The following DOCK1 variants were observed in gnomAD, a reference collection of about 807,000 sequenced individuals.
DOCK1 encodes dedicator of cytokinesis protein 1.
In DOCK1, 138 loss-of-function variants were observed where a neutral mutation model predicts 262.7. The ratio of observed to expected loss-of-function variants is 0.53; its 90% CI spans 0.46 to 0.61. The LOEUF is 0.61. DOCK1 is among the 20% of genes least tolerant of loss of function. The probability of loss-of-function intolerance (pLI) is 0.00; values close to 1 mark genes in which losing one functional copy is unlikely to be tolerated. For missense variants in DOCK1, 1,908 were observed against 2,370.7 expected, an observed-to-expected ratio of 0.80 and a Z score of 4.05; for synonymous variants, 866 against 867.4, an observed-to-expected ratio of 1.00 and a Z score of 0.03.
intron 33 of DOCK1, among the ~76,000 whole-genome samples, chr10:127,364,755 G>GT (rs1180242998): frequency 4.6e-5 from 7 of 152,246 alleles, no homozygotes; most frequent in Admixed American, 3.3e-4. Context: ...AACTTCCCCA[G>GT]TGTAATGTCA....
chr10:127,297,864 A>G (rs886396104), intron 29 of DOCK1, among the ~76,000 whole-genome samples: 4 of 152,042 alleles, frequency 2.6e-5, no homozygotes, highest in Admixed American at 2.0e-4. Context: ...GACGTGTCGG[A>G]GCGAGAGTGC....
chr10:127,263,490 G>A (rs1194169784), intron 29 of DOCK1, among the ~76,000 whole-genome samples: 1 of 146,854 alleles, frequency 6.8e-6, no homozygotes, highest in Non-Finnish European at 1.5e-5. Flanking sequence ...CATTATAGCT[G>A]TGCTCTAGGA....
At chr10:127,415,538 G>C (rs2068103556) in intron 44 of DOCK1, among the ~76,000 whole-genome samples, 2 of 152,246 alleles carry the variant, frequency 1.3e-5, no homozygotes, top group Non-Finnish European at 2.9e-5. Context: ...TTTTGACAAT[G>C]CTTTGTGTTA....
In DOCK1 at chr10:127,079,904, C is replaced by G. The variant is rs142347226; in HGVS notation, c.2445+18128C>G. Among the ~76,000 whole-genome samples the G allele has an allele frequency of 1.6e-3, 245 of 152,226 alleles. 1 individual carries two copies. The highest frequency in any genetic ancestry group is 5.5e-3 in the African/African-American group (230 of 41,542). On this transcript the variant is annotated intron_variant, in intron 23 of 51. Coordinates refer to ENST00000623213, the MANE Select transcript of DOCK1 (RefSeq NM_001290223.2). ...CAACATTGCGCCACTGCACTCCAGC[C>G]TGGGCGACAAGAATGAAACTCTGTC...
At chr10:127,372,602 T>G (rs1168289992) in intron 33 of DOCK1, among the ~76,000 whole-genome samples, 1 of 152,230 alleles carries the variant, frequency 6.6e-6, no homozygotes, top group Non-Finnish European at 1.5e-5. Flanking sequence ...TTTGAGGTTT[T>G]GGGGCTGGCT....
chr10:126,932,941 G>A (rs1343645856), intron 1 of DOCK1, among the ~76,000 whole-genome samples: 3 of 152,068 alleles, frequency 2.0e-5, no homozygotes, highest in Admixed American at 6.6e-5. Context: ...GGGGTCTCTC[G>A]TATATGTGTC....
intron 1 of DOCK1, among the ~76,000 whole-genome samples, chr10:126,922,849 G>A (rs756435693): frequency 5.9e-5 from 9 of 152,310 alleles, no homozygotes; most frequent in Non-Finnish European, 8.8e-5. Context: ...GGTGGCTCAC[G>A]CCTATAATTC....
chr10:127,027,555 C>T (rs146579142), intron 16 of DOCK1, among the ~76,000 whole-genome samples: 624 of 152,246 alleles, frequency 4.1e-3, no homozygotes, highest in African/African-American at 0.014. Context: ...CACTGCACTT[C>T]AGCCTGGGGA....
At chr10:127,191,458 A>G (rs1169418744) in intron 27 of DOCK1, among the ~76,000 whole-genome samples, 1 of 152,190 alleles carries the variant, frequency 6.6e-6, no homozygotes, top group Non-Finnish European at 1.5e-5. Flanking sequence ...CAGGTTTTAT[A>G]TCTTTGCTGC....
At chr10:127,282,593 GTGAACAC>G (rs558167300) in intron 29 of DOCK1, among the ~76,000 whole-genome samples, 21 of 152,336 alleles carry the variant, frequency 1.4e-4, no homozygotes, top group Non-Finnish European at 1.8e-4. Flanking sequence ...TAAAAGGCCA[GTGAACAC>G]CCACAAGGGG....
intron 31 of DOCK1, 107 bp downstream of exon 31, chr10:127,343,853 C>A: frequency 1.1e-6 from 1 of 919,850 alleles, no homozygotes; most frequent in Non-Finnish European, 1.6e-6. Context: ...GATGTAATCA[C>A]GGTGTAATGA....
At chr10:127,413,997 C>T (rs573184080) in intron 43 of DOCK1, among the ~76,000 whole-genome samples, 23 of 152,186 alleles carry the variant, frequency 1.5e-4, no homozygotes, top group South Asian at 4.2e-4. Context: ...CTGCAACCTC[C>T]GCCTCCCGAG....
intron 19 of DOCK1, 61 bp downstream of exon 19, chr10:127,037,877 T>A: frequency 7.8e-7 from 1 of 1,274,826 alleles, no homozygotes; most frequent in Non-Finnish European, 1.1e-6. Context: ...TAATGTATGT[T>A]AACAGAAGTA....
At chr10:126,930,441 T>A (rs1236598555) in intron 1 of DOCK1, among the ~76,000 whole-genome samples, 3 of 152,240 alleles carry the variant, frequency 2.0e-5, no homozygotes, top group Non-Finnish European at 4.4e-5. Context: ...CTTCACTTCT[T>A]ACCTCCCTGA....
chr10:127,430,632 T>A (rs1203152408), intron 47 of DOCK1, among the ~76,000 whole-genome samples: 1 of 120,366 alleles, frequency 8.3e-6, no homozygotes, highest in South Asian at 3.0e-4. Context: ...CCACCTGCTC[T>A]CTCCAAAGGA....
At chr10:127,393,763 C>T (rs2066645063) in intron 38 of DOCK1, among the ~76,000 whole-genome samples, 1 of 152,104 alleles carries the variant, frequency 6.6e-6, no homozygotes, top group Non-Finnish European at 1.5e-5. Context: ...TTTGCCTTTC[C>T]ACCGTTTTTT....
At chr10:127,172,493 TC>T (rs1261985941) in intron 27 of DOCK1, among the ~76,000 whole-genome samples, 1 of 152,150 alleles carries the variant, frequency 6.6e-6, no homozygotes, top group Non-Finnish European at 1.5e-5. Context: ...GCTGCAGTCC[TC>T]TCCTATGTTC....
intron 1 of DOCK1, among the ~76,000 whole-genome samples, chr10:126,940,863 C>G: frequency 6.6e-6 from 1 of 152,322 alleles, no homozygotes. Context: ...CTAACTCTAT[C>G]TTATCAGGGA....
chr10:127,426,148 T>A, intron 47 of DOCK1, 137 bp downstream of exon 47: 2 of 1,450,614 alleles, frequency 1.4e-6, no homozygotes, highest in Non-Finnish European at 1.9e-6. Context: ...GTGAGGGAGC[T>A]CAGCCCCCTT....
Sources: allele counts gnomAD v4.1 joint callset (sites outside exome capture counted in the v4.1 genomes callset), GRCh38; gene constraint gnomAD v4.1.1; transcripts MANE v1.5; gene names NCBI Gene and HGNC (gene_info 2026-07-23, HGNC 2026-07-21).